BRD1: variants seen among roughly 807,000 people sequenced by gnomAD.
BRD1 encodes the protein bromodomain-containing protein 1.
BRD1 carries 24 observed loss-of-function variants against 107.7 expected under a neutral mutation model. The ratio of observed to expected loss-of-function variants is 0.22; its 90% CI spans 0.16 to 0.31. The LOEUF is 0.31. BRD1 is among the 10% of genes least tolerant of loss of function. The pLI is 1.00. For missense variants in BRD1, 1,279 were observed against 1,638.6 expected (o/e 0.78, Z 3.79); for synonymous variants, 744 against 686.1 (o/e 1.08, Z -1.32).
At chr22:49,776,213 C>T (rs2059096529) in intron 10 of BRD1, 54 bp from the exon 11 acceptor site, 6 of 1,495,642 alleles carry the variant, frequency 4.0e-6, no homozygotes, top group Non-Finnish European at 5.5e-6. Context: ...CGGGGCACGC[C>T]CCGCCCCCCC....
At chr22:49,810,947 ATGTT>A (rs2059837938) in intron 2 of BRD1, among the ~76,000 whole-genome samples, 1 of 152,220 alleles carries the variant, frequency 6.6e-6, no homozygotes, top group Non-Finnish European at 1.5e-5. Flanking sequence ...TGTTACACAA[ATGTT>A]CAGAGCAGCA....
intron 2 of BRD1, among the ~76,000 whole-genome samples, chr22:49,819,537 CA>C (rs780075291): frequency 9.2e-5 from 14 of 152,210 alleles, no homozygotes; most frequent in Non-Finnish European, 1.9e-4. Context: ...AGCAGAAGAG[CA>C]GGACTCTGTT....
At chr22:49,785,085 C>A (rs2059296318) in intron 8 of BRD1, among the ~76,000 whole-genome samples, 1 of 152,248 alleles carries the variant, frequency 6.6e-6, no homozygotes, top group African/African-American at 2.4e-5. Context: ...CCACGGGAAG[C>A]CCGCAAAACA....
At position 49,794,097 on chromosome 22, in the gene BRD1, C is replaced by T. The variant is rs754164780; in HGVS notation, c.2296G>A (p.Gly766Arg). The T allele has an allele frequency of 6.2e-7, 1 of 1,614,240 alleles. No homozygotes were observed. Among genetic ancestry groups the T allele is most frequent in the South Asian group, 1.1e-5 (1 of 91,090 alleles). The change falls in exon 7 of 13, where the codon GGG becomes AGG. Residue 766 changes from glycine to arginine, a missense_variant. Gly to Arg is a moderately radical substitution (Grantham distance 125, BLOSUM62 -2). Around this residue, in one of 7 missense-constraint regions of BRD1, gnomAD observed 406 missense variants for 519.4 expected, o/e 0.78. Coordinates refer to ENST00000404760, the MANE Select transcript of BRD1 (RefSeq NM_001304808.3). ...SQQHSQPLPTGPGLEGFEEDG... is the reference protein window; with the variant it reads ...SQQHSQPLPTRPGLEGFEEDG... Reference sequence around the variant, plus strand: ...TCTTCGAAGCCTTCCAAGCCTGGCCCCGTGGGCAGGGGCTGGCTGTGCTGC... The same window carrying T: ...TCTTCGAAGCCTTCCAAGCCTGGCCTCGTGGGCAGGGGCTGGCTGTGCTGC...
intron 9 of BRD1, 59 bp from the exon 10 acceptor site, chr22:49,777,220 G>C: frequency 6.3e-7 from 1 of 1,597,186 alleles, no homozygotes; most frequent in Non-Finnish European, 8.5e-7. Context: ...GCCTCACTCG[G>C]GCTTCGTCCC....
At chr22:49,779,563 G>T (rs1030874016) in intron 8 of BRD1, among the ~76,000 whole-genome samples, 7 of 152,160 alleles carry the variant, frequency 4.6e-5, no homozygotes, top group Non-Finnish European at 8.8e-5. Context: ...GCCAGTTGGG[G>T]GTGTCATACT....
At position 49,787,621 on chromosome 22, in the gene BRD1, C is replaced by G; in HGVS notation, c.2626G>C (p.Asp876His). ...AASAVAEPAS[D>H]VNRRTSVLFC... ...AGAACAGAAGTGCGTCTGTTTACAT[C>G]GCTTGCTGGCTCCGCCACCGCGGAG... Residue 876 changes from aspartate (D) to histidine (H), a missense_variant, in exon 8 of 13, where the codon GAT becomes CAT. Physicochemically the swap from Asp to His is moderately conservative, Grantham distance 81. Transcript: ENST00000404760. 1 of 1,551,380 alleles carries G rather than the reference C, an allele frequency of 6.4e-7. No individual in the cohort carries two copies. Among genetic ancestry groups the G allele is most frequent in the South Asian group, 1.2e-5 (1 of 84,308 alleles).
Position 49,798,094 on chromosome 22 carries a change from A to G in BRD1, c.1809T>C (p.Ile603=), listed in dbSNP as rs1243898390. ...TTGTGGCAAAGTCCATGGGATGTTTAATGTGATCCAAATAATCTGGTACCT... is the reference window on the plus strand; with the variant it reads ...TTGTGGCAAAGTCCATGGGATGTTTGATGTGATCCAAATAATCTGGTACCT... ...LKEVPDYLDH[I]KHPMDFATMR... Residue 603 remains isoleucine, a synonymous_variant, in exon 6 of 13, where the codon ATT becomes ATC. Coordinates refer to ENST00000404760, the MANE Select transcript of BRD1 (RefSeq NM_001304808.3). 4 of 1,609,988 alleles carry G rather than the reference A, an allele frequency of 2.5e-6. No individual in the cohort carries two copies. The highest frequency in any genetic ancestry group is 3.4e-6 in the Non-Finnish European group (4 of 1,176,812).
At position 49,799,131 on chromosome 22, in the gene BRD1, G is replaced by A; in HGVS notation, c.1525-12C>T. 1 of 1,602,444 alleles carries A rather than the reference G, an allele frequency of 6.2e-7. No individual in the cohort carries two copies. Among genetic ancestry groups the A allele is most frequent in the African/African-American group, 1.3e-5 (1 of 74,994 alleles). On this transcript the variant is annotated splice_polypyrimidine_tract_variant and intron_variant, in intron 3 of 12. Transcript: ENST00000404760. ...TCATCATTTTCTCTCTGAGAACAGT[G>A]AACACTTCCGTCAGTCAAACCCAGA... is the stretch of plus-strand genomic sequence containing the variant.
Position 49,824,010 on chromosome 22 carries a change from GCCT to G in BRD1, c.305_307del (p.Glu102del). On this transcript the variant is annotated inframe_deletion, in exon 2 of 13. Coordinates refer to ENST00000404760, the MANE Select transcript of BRD1 (RefSeq NM_001304808.3). The surrounding 1 kb of genome is among the most constrained non-coding windows in gnomAD (Gnocchi z 5.9). ...CGGCGTGCCGTGGGCGCTGGGGAGG[GCCT>G]CGTTTTTCTTTTTGACTCTGTTGTT... 1 of 1,613,828 alleles carries G rather than the reference GCCT, an allele frequency of 6.2e-7. No individual in the cohort carries two copies. Among genetic ancestry groups the G allele is most frequent in the South Asian group, 1.1e-5 (1 of 91,090 alleles).
At chr22:49,774,745 G>A (rs1030846905) in intron 12 of BRD1, among the ~76,000 whole-genome samples, 2 of 152,272 alleles carry the variant, frequency 1.3e-5, no homozygotes, top group Non-Finnish European at 2.9e-5. Flanking sequence ...AGCAGAGGCC[G>A]GTGGTTGGGG....
intron 2 of BRD1, among the ~76,000 whole-genome samples, chr22:49,822,338 T>C (rs1188976530): frequency 4.0e-5 from 6 of 150,594 alleles, no homozygotes; most frequent in Non-Finnish European, 7.4e-5. Flanking sequence ...GACACAAGAA[T>C]TGCTGGAACC....
Position 49,799,044 on chromosome 22 carries a change from G to A in BRD1, c.1600C>T (p.Arg534Cys), listed in dbSNP as rs765340546. 8.1e-6 allele frequency: 13 copies of A among 1,611,328 alleles called. No homozygotes were observed. Among genetic ancestry groups the A allele is most frequent in the Non-Finnish European group, 9.3e-6 (11 of 1,179,950 alleles). Residue 534 changes from arginine to cysteine, a missense_variant, in exon 4 of 13, where the codon CGC becomes TGC. Physicochemically the swap from Arg to Cys is radical, Grantham distance 180. Coordinates refer to ENST00000404760, the MANE Select transcript of BRD1 (RefSeq NM_001304808.3). ...YWQRLRHDLE[R>C]ARLLIELLRK... ...AGCAGCTCGATCAGCAGGCGAGCGC[G>A]CTCCAGGTCGTGCCGCAGCCGCTGC...
chr22:49,791,077 G>A (rs951913883), intron 7 of BRD1, among the ~76,000 whole-genome samples: 3 of 152,226 alleles, frequency 2.0e-5, no homozygotes, highest in African/African-American at 7.2e-5. Context: ...AGCACAGGGT[G>A]GAGACAAGCC....
chr22:49,796,261 T>G (rs2059529428), intron 6 of BRD1, among the ~76,000 whole-genome samples: 1 of 151,868 alleles, frequency 6.6e-6, no homozygotes, highest in African/African-American at 2.4e-5. Context: ...TGGCTAATTT[T>G]GTTTTTGTAT....
At chr22:49,790,511 C>T (rs764951049) in intron 7 of BRD1, among the ~76,000 whole-genome samples, 13 of 152,198 alleles carry the variant, frequency 8.5e-5, no homozygotes, top group Non-Finnish European at 1.6e-4. Flanking sequence ...TCACATATTC[C>T]AAATGGCAAA....
At position 49,827,702 on chromosome 22, in the gene BRD1, C is replaced by T. The variant is rs1488311348; in HGVS notation, c.-220G>A. 6.9e-6 allele frequency among the ~76,000 whole-genome samples: 1 copy of T among 144,664 alleles called. No individual in the cohort carries two copies. Among genetic ancestry groups the T allele is most frequent in the Non-Finnish European group, 1.5e-5 (1 of 65,326 alleles). The allele number at this position is 144,664 out of a possible 152,430, so 94.9% of individuals were successfully genotyped here. A position where few individuals can be genotyped will look rare whatever the true frequency, so the allele number is the denominator to read the frequency against. On this transcript the variant is annotated 5_prime_UTR_variant, in exon 1 of 13. Coordinates refer to ENST00000404760, the MANE Select transcript of BRD1 (RefSeq NM_001304808.3). ...CCGCGGACTCTCGGGCAGCGGCTCGCGCGGCGCGGGCTCGGGCTCGGGGCC... is the reference window on the plus strand; with the variant it reads ...CCGCGGACTCTCGGGCAGCGGCTCGTGCGGCGCGGGCTCGGGCTCGGGGCC...
intron 3 of BRD1, among the ~76,000 whole-genome samples, chr22:49,802,891 A>G (rs2147189500): frequency 6.6e-6 from 1 of 152,370 alleles, no homozygotes; most frequent in South Asian, 2.1e-4. Flanking sequence ...TCAACAGCCA[A>G]AAGACATTCA....
rs779481304 is a variant in BRD1 at position 49,787,409 on chromosome 22, T to C, written c.2838A>G (p.Pro946=). 6 of 1,594,886 alleles carry C rather than the reference T, an allele frequency of 3.8e-6. No homozygotes were observed. The Admixed American group carries it at 5.1e-5, about 14-fold the overall frequency. Residue 946 remains proline, a synonymous_variant, in exon 8 of 13, where the codon CCA becomes CCG. Transcript: ENST00000404760. ...CGDSEVEEES[P]GKRLDAGLTN... ...ATTTACCTGCGTCCAGGCGCTTTCCTGGGGACTCCTCCTCCACCTCGGAGT... is the reference window on the plus strand; with the variant it reads ...ATTTACCTGCGTCCAGGCGCTTTCCCGGGGACTCCTCCTCCACCTCGGAGT...
Sources: gnomAD v4.1 joint callset for allele counts (sites outside exome capture counted in the v4.1 genomes callset) on GRCh38, gnomAD v4.1.1 for gene constraint, gnomAD v4.1.1 regional missense constraint, Gnocchi (gnomAD v3.1) non-coding constraint, MANE v1.5 for transcripts, NCBI Gene and HGNC (gene_info 2026-07-23, HGNC 2026-07-21) for gene names.